SPATS2L: variants seen among roughly 807,000 people sequenced by gnomAD.
The protein encoded by SPATS2L is spermatogenesis associated serine rich 2 like.
In SPATS2L, 30 loss-of-function variants were observed where a neutral mutation model predicts 59.6. That is an observed-to-expected ratio of 0.50 (90% CI 0.38 to 0.68). SPATS2L has a LOEUF of 0.68. Among genes scored for constraint, SPATS2L ranks in the 30% least tolerant of loss-of-function variants. The pLI, the probability that SPATS2L is intolerant of heterozygous loss-of-function variation, is 0.00. For missense variants in SPATS2L, 615 were observed against 700.0 expected, an observed-to-expected ratio of 0.88 and a Z score of 1.37; for synonymous variants, 252 against 263.5, an observed-to-expected ratio of 0.96 and a Z score of 0.42.
rs1296477023 is a variant in SPATS2L at position 200,388,621 on chromosome 2, C to G, written c.-22-602C>G. ...AAAAAGGTTTTGAGATGCCCCCCCC[C>G]CACCCAGAAAAAGACTACAGGAAAG... On this transcript the variant is annotated intron_variant, in intron 2 of 12. Coordinates refer to ENST00000409140, the MANE Select transcript of SPATS2L (RefSeq NM_001100423.2). Among the ~76,000 whole-genome samples, 82 of 149,706 alleles carry G rather than the reference C, an allele frequency of 5.5e-4. 2 individuals are homozygous for G. In the South Asian group the frequency reaches 0.016, roughly 29 times the overall value.
chr2:200,307,479 G>C (rs1201935327), intron 1 of SPATS2L, among the ~76,000 whole-genome samples: 1 of 152,052 alleles, frequency 6.6e-6, no homozygotes, highest in Admixed American at 6.6e-5. Context: ...AGTGGGATGC[G>C]TTGGCGTCCG....
chr2:200,349,351 G>A (rs1377953712), intron 2 of SPATS2L, among the ~76,000 whole-genome samples: 1 of 152,150 alleles, frequency 6.6e-6, no homozygotes, highest in Non-Finnish European at 1.5e-5. Flanking sequence ...TCAAAGACAC[G>A]TAGGCCGGGC....
chr2:200,332,946 G>A (rs62179514), intron 2 of SPATS2L, among the ~76,000 whole-genome samples: 16,505 of 151,936 alleles, frequency 0.11, 957 homozygotes, highest in Non-Finnish European at 0.13. Context: ...AACTAGAGCT[G>A]TACACAATAA....
At chr2:200,363,618 T>C (rs1468573263) in intron 2 of SPATS2L, among the ~76,000 whole-genome samples, 2 of 152,226 alleles carry the variant, frequency 1.3e-5, no homozygotes, top group African/African-American at 2.4e-5. Context: ...TTCCCAAGAA[T>C]TGGATTAATG....
At chr2:200,311,049 C>T (rs1489512427) in intron 1 of SPATS2L, among the ~76,000 whole-genome samples, 2 of 152,134 alleles carry the variant, frequency 1.3e-5, no homozygotes, top group East Asian at 1.9e-4. Context: ...CGGCCCTGGC[C>T]GTAAGAAGCA....
chr2:200,344,777 T>C (rs1419535538), intron 2 of SPATS2L, among the ~76,000 whole-genome samples: 1 of 152,230 alleles, frequency 6.6e-6, no homozygotes, highest in Non-Finnish European at 1.5e-5. Context: ...TGATGTGAGA[T>C]GGTATCTCAT....
At chr2:200,385,860 T>A (rs918816042) in intron 2 of SPATS2L, among the ~76,000 whole-genome samples, 6 of 151,976 alleles carry the variant, frequency 3.9e-5, no homozygotes. Context: ...ACCCAGCTAA[T>A]TTTTTTGTAT....
intron 3 of SPATS2L, among the ~76,000 whole-genome samples, chr2:200,392,520 AAATT>A (rs1279034894): frequency 2.0e-5 from 3 of 152,194 alleles, no homozygotes; most frequent in Non-Finnish European, 4.4e-5. Flanking sequence ...CCACTCTAGC[AAATT>A]ATAGACCGTC....
At chr2:200,389,507 C>A (rs773912834) in intron 3 of SPATS2L, 1 of 447,082 alleles carries the variant, frequency 2.2e-6, no homozygotes, top group East Asian at 3.6e-5. Context: ...TTGACCATAA[C>A]CCCATAAAGA....
chr2:200,395,571 A>G lies in SPATS2L; in HGVS notation c.39+6288A>G, dbSNP rs1412951652. Among the ~76,000 whole-genome samples the G allele has an allele frequency of 2.0e-5, 3 of 152,218 alleles. No homozygotes were observed. In the East Asian group the frequency reaches 5.8e-4, roughly 29 times the overall value. Reference sequence around the variant, plus strand: ...CAATTTCCTAATCTGTAAATTGGACATGATAATAAAATCTGCCTCACAAAG... The same window carrying G: ...CAATTTCCTAATCTGTAAATTGGACGTGATAATAAAATCTGCCTCACAAAG... On this transcript the variant is annotated intron_variant, in intron 3 of 12. Transcript: ENST00000409140.
At chr2:200,317,867 A>G (rs963394341) in intron 1 of SPATS2L, among the ~76,000 whole-genome samples, 21 of 152,200 alleles carry the variant, frequency 1.4e-4, no homozygotes, top group Non-Finnish European at 2.6e-4. Context: ...TTTATATATG[A>G]ATTGGACACC....
intron 2 of SPATS2L, among the ~76,000 whole-genome samples, chr2:200,380,914 A>G (rs1468864562): frequency 6.6e-6 from 1 of 152,222 alleles, no homozygotes; most frequent in Non-Finnish European, 1.5e-5. Context: ...AGTCCTAATA[A>G]TTAAAGCGAC....
Position 200,479,823 on chromosome 2 carries a change from A to G in SPATS2L, c.*1792A>G, listed in dbSNP as rs995983607. On this transcript the variant is annotated 3_prime_UTR_variant, in exon 13 of 13. Transcript: ENST00000409140. Reference sequence around the variant, plus strand: ...CAAGCATCTGTTTCTTCTTTTGCCAAGTACAGGAGGATGTTTGCTCTCTCT... The same window carrying G: ...CAAGCATCTGTTTCTTCTTTTGCCAGGTACAGGAGGATGTTTGCTCTCTCT... 4.0e-5 allele frequency: 16 copies of G among 398,446 alleles called. No homozygotes were observed. The highest frequency in any genetic ancestry group is 6.6e-5 in the Non-Finnish European group (15 of 226,062). 24.7% of individuals were successfully genotyped at this position (398,446 alleles called of 1,614,324 possible).
chr2:200,381,908 T>C (rs1264077036), intron 2 of SPATS2L, among the ~76,000 whole-genome samples: 1 of 152,166 alleles, frequency 6.6e-6, no homozygotes, highest in African/African-American at 2.4e-5. Context: ...AGTAATTCAG[T>C]TAGTTATGCC....
Position 200,477,656 on chromosome 2 carries a change from A to G in SPATS2L, c.1302A>G (p.Arg434=), listed in dbSNP as rs1250094402. ...GGTAGAATGGATCTTCTAACCAAAG[A>G]CGGAGATTTAATCCACAGTATCATA... ...ANKQNGSSNQ[R]RRFNPQYHNN... is the part of the protein sequence containing the mutation. The change falls in exon 13 of 13, where the codon AGA becomes AGG. Residue 434 remains arginine (R), a synonymous_variant. Transcript: ENST00000409140. The G allele has an allele frequency of 2.6e-6, 4 of 1,551,800 alleles. No individual in the cohort carries two copies. The highest frequency in any genetic ancestry group is 2.0e-5 in the Admixed American group (1 of 49,620).
intron 1 of SPATS2L, among the ~76,000 whole-genome samples, chr2:200,317,204 T>C (rs938879870): frequency 6.6e-6 from 1 of 152,208 alleles, no homozygotes; most frequent in African/African-American, 2.4e-5. Context: ...ACCAGTATGA[T>C]TTAGAAGAAA....
intron 1 of SPATS2L, among the ~76,000 whole-genome samples, chr2:200,311,991 T>C (rs1442426695): frequency 2.6e-5 from 4 of 152,324 alleles, no homozygotes; most frequent in East Asian, 1.9e-4. Flanking sequence ...AGCACTCTTA[T>C]AGTACTCCTG....
chr2:200,344,147 G>A (rs2105827238), intron 2 of SPATS2L, among the ~76,000 whole-genome samples: 1 of 152,084 alleles, frequency 6.6e-6, no homozygotes, highest in South Asian at 2.1e-4. Context: ...ATGGGGGTTT[G>A]TTTTACAGAT....
At chr2:200,392,099 A>G (rs1042259396) in intron 3 of SPATS2L, among the ~76,000 whole-genome samples, 3 of 152,198 alleles carry the variant, frequency 2.0e-5, no homozygotes, top group Non-Finnish European at 4.4e-5. Flanking sequence ...TGGTATCTTC[A>G]AAATGATAAG....
Sources: allele counts gnomAD v4.1 joint callset (sites outside exome capture counted in the v4.1 genomes callset), GRCh38; gene constraint gnomAD v4.1.1; transcripts MANE v1.5; gene names NCBI Gene and HGNC (gene_info 2026-07-23, HGNC 2026-07-21).